PCED1B: variants seen among roughly 807,000 people sequenced by gnomAD.
PCED1B encodes the protein PC-esterase domain-containing protein 1B.
For missense variants in PCED1B, 573 were observed against 573.9 expected (o/e 1.00, Z 0.02); for synonymous variants, 251 against 246.1 (o/e 1.02, Z -0.19).
chr12:47,207,662 C>T (rs1942952408), intron 2 of PCED1B, among the ~76,000 whole-genome samples: 2 of 152,324 alleles, frequency 1.3e-5, no homozygotes, highest in Middle Eastern at 3.4e-3. Flanking sequence ...AGGAAATCTT[C>T]CTTACACAAA....
At chr12:47,143,034 A>T (rs1046045903) in intron 2 of PCED1B, among the ~76,000 whole-genome samples, 6 of 152,196 alleles carry the variant, frequency 3.9e-5, no homozygotes, top group African/African-American at 1.2e-4. Flanking sequence ...GAAACTCTCA[A>T]CTTATTAGGT....
At chr12:47,121,236 G>A (rs999964709) in intron 2 of PCED1B, among the ~76,000 whole-genome samples, 2 of 152,180 alleles carry the variant, frequency 1.3e-5, no homozygotes, top group African/African-American at 4.8e-5. Context: ...GTGATACATT[G>A]TAGGCGACGG....
chr12:47,192,025 A>C (rs1942456993), intron 2 of PCED1B, among the ~76,000 whole-genome samples: 2 of 151,904 alleles, frequency 1.3e-5, no homozygotes, highest in Non-Finnish European at 2.9e-5. Flanking sequence ...ACACCAATTT[A>C]ATTTGCCTCC....
At chr12:47,124,240 A>T (rs531866616) in intron 2 of PCED1B, among the ~76,000 whole-genome samples, 1 of 152,088 alleles carries the variant, frequency 6.6e-6, no homozygotes, top group South Asian at 2.1e-4. Context: ...ATTAGTTTTA[A>T]TTTTTTATAA....
At chr12:47,189,355 T>A (rs1409741336) in intron 2 of PCED1B, among the ~76,000 whole-genome samples, 2 of 152,206 alleles carry the variant, frequency 1.3e-5, no homozygotes, top group Non-Finnish European at 2.9e-5. Flanking sequence ...GGCAGACTGA[T>A]TTCAAAATCC....
At chr12:47,134,729 G>A (rs535534239) in intron 2 of PCED1B, among the ~76,000 whole-genome samples, 6 of 152,220 alleles carry the variant, frequency 3.9e-5, no homozygotes, top group South Asian at 4.2e-4. Context: ...TTAGCTGGGC[G>A]TGGTGGCGGG....
chr12:47,081,885 A>G (rs746576345), intron 1 of PCED1B, among the ~76,000 whole-genome samples: 2 of 152,218 alleles, frequency 1.3e-5, no homozygotes, highest in African/African-American at 2.4e-5. Flanking sequence ...AGGTTATATT[A>G]TTATAACTAC....
intron 2 of PCED1B, among the ~76,000 whole-genome samples, chr12:47,119,306 G>T (rs1017772031): frequency 1.3e-5 from 2 of 152,060 alleles, no homozygotes; most frequent in Admixed American, 6.5e-5. Flanking sequence ...AAACAGAGTC[G>T]TAAATACTTG....
At chr12:47,139,188 C>G (rs1385893883) in intron 2 of PCED1B, among the ~76,000 whole-genome samples, 1 of 152,082 alleles carries the variant, frequency 6.6e-6, no homozygotes, top group African/African-American at 2.4e-5. Flanking sequence ...AGACAAGTTA[C>G]TTCTCTTTTT....
At chr12:47,139,268 A>G (rs936423089) in intron 2 of PCED1B, among the ~76,000 whole-genome samples, 48 of 152,218 alleles carry the variant, frequency 3.2e-4, no homozygotes, top group African/African-American at 1.1e-3. Context: ...AGAACAACTT[A>G]CATTTTATGG....
At chr12:47,213,416 C>A (rs1943153584) in intron 2 of PCED1B, among the ~76,000 whole-genome samples, 1 of 152,124 alleles carries the variant, frequency 6.6e-6, no homozygotes, top group Non-Finnish European at 1.5e-5. Context: ...TCGTTTAAGG[C>A]AGCCCAGGAA....
intron 2 of PCED1B, among the ~76,000 whole-genome samples, chr12:47,211,248 A>T (rs1337209368): frequency 6.6e-6 from 1 of 152,204 alleles, no homozygotes. Context: ...CTCAGGTGCT[A>T]AGCACTGTGC....
At position 47,205,401 on chromosome 12, in the gene PCED1B, T is replaced by C. The variant is rs538607128; in HGVS notation, c.-525-10821T>C. Among the ~76,000 whole-genome samples, 12 of 152,330 alleles carry C rather than the reference T, an allele frequency of 7.9e-5. 1 individual carries two copies. The highest frequency in any genetic ancestry group is 2.6e-4 in the African/African-American group (11 of 41,588). ...CAGAATCCTGCAGCCTCCAGCTGCA[T>C]GACTCCTAAACCATAATTTATAATC... On this transcript the variant is annotated intron_variant, in intron 2 of 3. Coordinates refer to ENST00000546455, the MANE Select transcript of PCED1B (RefSeq NM_138371.3).
chr12:47,132,117 T>C (rs1299158014), intron 2 of PCED1B, among the ~76,000 whole-genome samples: 3 of 152,178 alleles, frequency 2.0e-5, no homozygotes, highest in Non-Finnish European at 4.4e-5. Context: ...TTTTGTTTTT[T>C]AAAAAAACAC....
chr12:47,174,144 C>T (rs987747973), intron 2 of PCED1B, among the ~76,000 whole-genome samples: 1 of 152,084 alleles, frequency 6.6e-6, no homozygotes, highest in African/African-American at 2.4e-5. Flanking sequence ...TGAGGTGGCT[C>T]ACGCCTGTAA....
At chr12:47,177,617 G>A (rs542908605) in intron 2 of PCED1B, among the ~76,000 whole-genome samples, 1 of 152,000 alleles carries the variant, frequency 6.6e-6, no homozygotes, top group Non-Finnish European at 1.5e-5. Context: ...TGGTGGGGTG[G>A]GGGGTGGCAA....
intron 2 of PCED1B, among the ~76,000 whole-genome samples, chr12:47,202,594 T>TAAAAAAAAAAAAAAA (rs60769675): frequency 9.0e-5 from 6 of 66,670 alleles, no homozygotes; most frequent in Admixed American, 1.9e-4. Flanking sequence ...TAGACATTAG[T>TAAAAAAAAAAAAAAA]AAAAAAAAAA....
intron 2 of PCED1B, among the ~76,000 whole-genome samples, chr12:47,191,458 A>C (rs1942436254): frequency 6.6e-6 from 1 of 152,122 alleles, no homozygotes; most frequent in Admixed American, 6.5e-5. Flanking sequence ...ATTTCTCCCA[A>C]ATCCTCACCT....
At chr12:47,097,421 A>G (rs750967834) in intron 1 of PCED1B, among the ~76,000 whole-genome samples, 3 of 152,204 alleles carry the variant, frequency 2.0e-5, no homozygotes, top group East Asian at 3.8e-4. Flanking sequence ...GGAAGCCCAC[A>G]TTAAAGCCAC....
Sources: gnomAD v4.1 joint callset for allele counts (sites outside exome capture counted in the v4.1 genomes callset) on GRCh38, gnomAD v4.1.1 for gene constraint, MANE v1.5 for transcripts, NCBI Gene and HGNC (gene_info 2026-07-23, HGNC 2026-07-21) for gene names.